PCM1: variants seen among roughly 807,000 people sequenced by gnomAD.
The protein encoded by PCM1 is pericentriolar material 1 protein.
In PCM1, 157 loss-of-function variants were observed where a neutral mutation model predicts 241.9. That is an observed-to-expected ratio of 0.65 (90% CI 0.57 to 0.74). The LOEUF is 0.74. Among genes scored for constraint, PCM1 ranks in the 30% least tolerant of loss-of-function variants. The pLI, the probability that PCM1 is intolerant of heterozygous loss-of-function variation, is 0.00. For missense variants in PCM1, 3,478 were observed against 2,360.1 expected (o/e 1.47, Z -9.81); for synonymous variants, 1,085 against 784.9 (o/e 1.38, Z -6.39).
rs148777076 is a variant in PCM1, at chr8:17,950,426, C to G, written c.962-189C>G. Among the ~76,000 whole-genome samples, 6 of 152,306 alleles carry G rather than the reference C, an allele frequency of 3.9e-5. No homozygotes were observed. The East Asian group carries it at 1.2e-3, about 29-fold the overall frequency. ...CTTTACCAGAGTTTTGTGAGCATCC[C>G]TTTATTTTTAAGTTAGGTGGTAACT... On this transcript the variant is annotated intron_variant, in intron 7 of 38. Coordinates refer to ENST00000325083, the MANE Select transcript of PCM1 (RefSeq NM_006197.4).
chr8:17,929,208 C>T (rs909829490), intron 2 of PCM1, among the ~76,000 whole-genome samples: 8 of 152,260 alleles, frequency 5.3e-5, no homozygotes, highest in African/African-American at 1.9e-4. Flanking sequence ...TCTTATCTGG[C>T]AAGGTAACTG....
chr8:17,955,647 A>T lies in PCM1; in HGVS notation c.1466A>T (p.Lys489Ile), dbSNP rs1369302744. Residue 489 changes from lysine to isoleucine, a missense_variant, in exon 10 of 39, where the codon AAA becomes ATA. Transcript: ENST00000325083. ...ENEGHLNPSEKLQKLNEVRKR... is the reference protein window; with the variant it reads ...ENEGHLNPSEILQKLNEVRKR... ...GAAGGCCACCTCAATCCATCTGAAA[A>T]ACTCCAGTAAAACATTTATAATCAT... 6.2e-7 allele frequency: 1 copy of T among 1,609,254 alleles called. No homozygotes were observed. The highest frequency in any genetic ancestry group is 8.5e-7 in the Non-Finnish European group (1 of 1,175,638).
chr8:17,962,373 T>C (rs1303034450), intron 16 of PCM1, among the ~76,000 whole-genome samples, 199 bp downstream of exon 16: 1 of 152,184 alleles, frequency 6.6e-6, no homozygotes, highest in African/African-American at 2.4e-5. Context: ...CATTTTAATT[T>C]TTAAACTTTA....
At position 18,028,837 on chromosome 8, in the gene PCM1, G is replaced by C. The variant is rs118046617; in HGVS notation, c.*1175G>C. 1 of 184,974 alleles carries C rather than the reference G, an allele frequency of 5.4e-6. No individual in the cohort carries two copies. The highest frequency in any genetic ancestry group is 1.1e-5 in the Non-Finnish European group (1 of 87,272). 11.5% of individuals were successfully genotyped at this position (184,974 alleles called of 1,614,324 possible). On this transcript the variant is annotated 3_prime_UTR_variant, in exon 39 of 39. Coordinates refer to ENST00000325083, the MANE Select transcript of PCM1 (RefSeq NM_006197.4). ...GAAATACCCCATAAAAAAAGAACTT[G>C]TTGAGAGTATTTCTTTAAAATGGTT...
chr8:17,935,272 CTT>C (rs2060101495), intron 2 of PCM1, among the ~76,000 whole-genome samples: 1 of 152,218 alleles, frequency 6.6e-6, no homozygotes. Context: ...GTTTATGACA[CTT>C]TTCCTACTTT....
At chr8:18,018,881 C>CATAT (rs1230192867) in intron 36 of PCM1, among the ~76,000 whole-genome samples, 33 of 41,814 alleles carry the variant, frequency 7.9e-4, no homozygotes, top group South Asian at 2.8e-3. Context: ...TATATATATA[C>CATAT]ACACACATAT....
intron 6 of PCM1, among the ~76,000 whole-genome samples, chr8:17,941,214 A>C (rs2061922584): frequency 6.6e-6 from 1 of 152,174 alleles, no homozygotes; most frequent in Non-Finnish European, 1.5e-5. Context: ...GTTCCAGCAG[A>C]AATGGAAGGG....
At chr8:17,941,992 C>T (rs895070498) in intron 6 of PCM1, among the ~76,000 whole-genome samples, 1 of 151,752 alleles carries the variant, frequency 6.6e-6, no homozygotes, top group Non-Finnish European at 1.5e-5. Context: ...AAAATTCTGT[C>T]CCTTACTGTT....
rs760332835 is a variant in PCM1 at position 18,028,785 on chromosome 8, A to G, written c.*1123A>G. On this transcript the variant is annotated 3_prime_UTR_variant, in exon 39 of 39. Coordinates refer to ENST00000325083, the MANE Select transcript of PCM1 (RefSeq NM_006197.4). ...AATAAAATACAAAGAATTAGTTCCA[A>G]TAAGTATTTTAACTTTGTTAACAAC... 2.1e-4 allele frequency: 40 copies of G among 191,340 alleles called. 1 individual carries two copies. Among genetic ancestry groups the G allele is most frequent in the Admixed American group, 8.0e-4 (13 of 16,332 alleles). The allele number at this position is 191,340 out of a possible 1,614,324, so 11.9% of individuals were successfully genotyped here.
rs436542 is a variant in PCM1, at chr8:18,028,517, G to A, written c.*855G>A. On this transcript the variant is annotated 3_prime_UTR_variant, in exon 39 of 39. Coordinates refer to ENST00000325083, the MANE Select transcript of PCM1 (RefSeq NM_006197.4). ...TAAATTTCTGTAATAGTAAGATTCT[G>A]TATGCCTTCAGATAAACTTGCCTAT... 0.75 allele frequency: 151,009 copies of A among 200,608 alleles called. 57,415 individuals are homozygous for A. Among genetic ancestry groups the A allele is most frequent in the Middle Eastern group, 0.79 (454 of 576 alleles). 12.4% of individuals were successfully genotyped at this position (200,608 alleles called of 1,614,324 possible).
At position 17,938,038 on chromosome 8, in the gene PCM1, C is replaced by CT. The variant is rs554199312; in HGVS notation, c.342+662dup. 8.1e-4 allele frequency among the ~76,000 whole-genome samples: 124 copies of CT among 152,240 alleles called. 1 individual carries two copies. Among genetic ancestry groups the CT allele is most frequent in the African/African-American group, 2.9e-3 (119 of 41,544 alleles). On this transcript the variant is annotated intron_variant, in intron 4 of 38. Coordinates refer to ENST00000325083, the MANE Select transcript of PCM1 (RefSeq NM_006197.4). ...CAGACAGTTCTTCATGTAGACACAA[C>CT]TTTAATTACATTGATTCATTGGGTC...
chr8:17,991,045 T>A (rs1354535575), intron 27 of PCM1, among the ~76,000 whole-genome samples: 1 of 142,268 alleles, frequency 7.0e-6, no homozygotes, highest in Non-Finnish European at 1.5e-5. Context: ...CATTTACTGG[T>A]ATTTTTTTTT....
intron 8 of PCM1, among the ~76,000 whole-genome samples, chr8:17,951,815 ATAAT>A (rs1048541735): frequency 9.8e-5 from 15 of 152,342 alleles, no homozygotes; most frequent in African/African-American, 3.6e-4. Context: ...TTTTCTTAAA[ATAAT>A]TGATGCAAAT....
chr8:18,013,904 A>C, intron 34 of PCM1, 60 bp from the exon 35 acceptor site: 1 of 966,852 alleles, frequency 1.0e-6, no homozygotes, highest in East Asian at 2.7e-5. Context: ...ACTAGTAATC[A>C]TCTCTTTTAT....
chr8:17,944,886 G>A (rs761400939), intron 6 of PCM1, among the ~76,000 whole-genome samples: 41 of 152,222 alleles, frequency 2.7e-4, no homozygotes, highest in Admixed American at 5.9e-4. Context: ...AGATAATTGT[G>A]TTTAATAGCT....
intron 34 of PCM1, 103 bp downstream of exon 34, chr8:18,011,930 C>T (rs2092573758): frequency 2.8e-6 from 3 of 1,070,350 alleles, no homozygotes; most frequent in South Asian, 3.0e-5. Context: ...TCTAAATATT[C>T]AGGTTTCATG....
intron 13 of PCM1, 143 bp downstream of exon 13, chr8:17,957,918 C>T: frequency 4.8e-6 from 3 of 618,992 alleles, no homozygotes; most frequent in Non-Finnish European, 8.4e-6. Flanking sequence ...TAGCACTTTA[C>T]ATGCTGTATG....
intron 2 of PCM1, among the ~76,000 whole-genome samples, chr8:17,932,815 G>A (rs996740637): frequency 2.0e-5 from 3 of 152,048 alleles, no homozygotes; most frequent in Admixed American, 6.5e-5. Flanking sequence ...TTAAAATTCT[G>A]TTTTAATCTT....
intron 36 of PCM1, among the ~76,000 whole-genome samples, chr8:18,020,453 C>T (rs548094489): frequency 2.6e-4 from 40 of 152,154 alleles, no homozygotes; most frequent in Non-Finnish European, 5.0e-4. Context: ...CTCCTGTCAC[C>T]TTCTAATCTC....
Sources: allele counts gnomAD v4.1 joint callset (sites outside exome capture counted in the v4.1 genomes callset), GRCh38; gene constraint gnomAD v4.1.1; transcripts MANE v1.5; gene names NCBI Gene and HGNC (gene_info 2026-07-23, HGNC 2026-07-21).